ZNF490: variants seen among roughly 807,000 people sequenced by gnomAD.
ZNF490 encodes zinc finger protein 490.
A neutral mutation model predicts 17.7 loss-of-function variants in ZNF490; 11 were observed. The ratio of observed to expected loss-of-function variants is 0.62; its 90% CI spans 0.39 to 1.03. ZNF490 has a LOEUF of 1.03. Ranked by LOEUF, ZNF490 falls within the 50% of genes least tolerant of loss-of-function variation. The probability of loss-of-function intolerance (pLI) is 0.00; values close to 1 mark genes in which losing one functional copy is unlikely to be tolerated. For synonymous variants in ZNF490, 222 were observed against 216.1 expected (o/e 1.03, Z -0.24); for missense variants, 542 against 643.4 (o/e 0.84, Z 1.71).
chr19:12,580,495 T>G lies in ZNF490; in HGVS notation c.1580A>C (p.Gln527Pro). Reference protein sequence around the residue: ...LHVHERTHSRQKP With the variant: ...LHVHERTHSRPKP ...CCACACTTTACTTTCTTAGGGCTTCTGTCTACTATGAGTCCTTTCGTGCAC... is the reference window on the plus strand; with the variant it reads ...CCACACTTTACTTTCTTAGGGCTTCGGTCTACTATGAGTCCTTTCGTGCAC... The change falls in exon 5 of 5, where the codon CAG (glutamine) becomes CCG (proline). Residue 527 changes from glutamine (Q) to proline (P), a missense_variant. Coordinates refer to ENST00000311437, the MANE Select transcript of ZNF490 (RefSeq NM_020714.3). 2 of 1,588,472 alleles carry G rather than the reference T, an allele frequency of 1.3e-6. No homozygotes were observed. The highest frequency in any genetic ancestry group is 8.6e-7 in the Non-Finnish European group (1 of 1,167,694).
At chr19:12,588,226 C>T (rs1427631485) in intron 2 of ZNF490, among the ~76,000 whole-genome samples, 2 of 151,508 alleles carry the variant, frequency 1.3e-5, no homozygotes, top group African/African-American at 4.9e-5. Context: ...GGCAAACTCC[C>T]GACCTCGTGA....
Position 12,581,284 on chromosome 19 carries a change from G to A in ZNF490, c.791C>T (p.Ala264Val), listed in dbSNP as rs763801610. 4 of 1,613,820 alleles carry A rather than the reference G, an allele frequency of 2.5e-6. No individual in the cohort carries two copies. The change falls in exon 5 of 5, where the codon GCT (alanine) becomes GTT (valine). Residue 264 changes from alanine (A) to valine (V), a missense_variant. Physicochemically the swap from Ala to Val is moderately conservative, Grantham distance 64. Transcript: ENST00000311437. Reference sequence around the variant, plus strand: ...GTGATTTTTTTCATGGCGCCGAAGAGCAGTGAGATATCTGAATGCCTTCCC... The same window carrying A: ...GTGATTTTTTTCATGGCGCCGAAGAACAGTGAGATATCTGAATGCCTTCCC... ...ECGKAFRYLT[A>V]LRRHEKNHTG...
In ZNF490 at chr19:12,610,802, C is replaced by G; in HGVS notation, c.-122G>C. ...ACCAGTTCCGTCCCACCGGCGGAAG[C>G]GAGATCTGCCTAGCTACTAGACCTG... On this transcript the variant is annotated 5_prime_UTR_variant, in exon 1 of 5. Transcript: ENST00000311437. The G allele has an allele frequency of 9.8e-7, 1 of 1,016,256 alleles. No individual in the cohort carries two copies. The highest frequency in any genetic ancestry group is 2.4e-5 in the East Asian group (1 of 41,322). 63.0% of individuals were successfully genotyped at this position (1,016,256 alleles called of 1,614,324 possible).
rs1040551232 is a variant in ZNF490, at chr19:12,608,489, G to C, written c.162+669C>G. On this transcript the variant is annotated intron_variant, in intron 2 of 4. Transcript: ENST00000311437. ...TTTATTTATTTATTTATTTATTTTT[G>C]AGACAGAGTTTCACTCTGTTGCCCA... Among the ~76,000 whole-genome samples, 226 of 150,644 alleles carry C rather than the reference G, an allele frequency of 1.5e-3. 2 individuals carry two copies. The highest frequency in any genetic ancestry group is 5.4e-3 in the African/African-American group (223 of 41,050).
At position 12,608,457 on chromosome 19, in the gene ZNF490, G is replaced by GTATT. The variant is rs147000880; in HGVS notation, c.162+697_162+700dup. 5.8e-3 allele frequency among the ~76,000 whole-genome samples: 872 copies of GTATT among 149,662 alleles called. 6 individuals are homozygous for GTATT. Among genetic ancestry groups the GTATT allele is most frequent in the Admixed American group, 8.7e-3 (129 of 14,886 alleles). ...TAATTTTTTATCTTTATTTATTTAT[G>GTATT]TATTTATTTATTTATTTATTTATTT... On this transcript the variant is annotated intron_variant, in intron 2 of 4. Coordinates refer to ENST00000311437, the MANE Select transcript of ZNF490 (RefSeq NM_020714.3).
At chr19:12,606,132 G>A (rs943636818) in intron 2 of ZNF490, among the ~76,000 whole-genome samples, 11 of 151,464 alleles carry the variant, frequency 7.3e-5, no homozygotes, top group Non-Finnish European at 1.2e-4. Context: ...CACCCACCTC[G>A]GCCTCCCAAA....
chr19:12,578,165 C>A lies in ZNF490; in HGVS notation c.*2320G>T, dbSNP rs2022671288. The A allele has an allele frequency of 1.0e-6, 1 of 985,470 alleles. No homozygotes were observed. 61.0% of individuals were successfully genotyped at this position (985,470 alleles called of 1,614,324 possible). On this transcript the variant is annotated 3_prime_UTR_variant, in exon 5 of 5. Transcript: ENST00000311437. Reference sequence around the variant, plus strand: ...CAGTCCTGGAGCAGGATGCATGTGACATGCACTGACGTGAGAAGGCCGGAG... The same window carrying A: ...CAGTCCTGGAGCAGGATGCATGTGAAATGCACTGACGTGAGAAGGCCGGAG...
intron 2 of ZNF490, among the ~76,000 whole-genome samples, chr19:12,602,999 G>A (rs982682863): frequency 1.3e-5 from 2 of 152,052 alleles, no homozygotes; most frequent in African/African-American, 4.8e-5. Context: ...ACACAGACAA[G>A]AACTATGGAT....
rs2022722804 is a variant in ZNF490 at position 12,580,915 on chromosome 19, T to C, written c.1160A>G (p.Glu387Gly). 5 of 1,614,198 alleles carry C rather than the reference T, an allele frequency of 3.1e-6. No individual in the cohort carries two copies. The highest frequency in any genetic ancestry group is 4.2e-6 in the Non-Finnish European group (5 of 1,180,040). The change falls in exon 5 of 5, where the codon GAA (glutamate) becomes GGA (glycine). Residue 387 changes from glutamate to glycine, a missense_variant. By Grantham distance (98) the Glu-to-Gly change is moderately conservative. Coordinates refer to ENST00000311437, the MANE Select transcript of ZNF490 (RefSeq NM_020714.3). ...CEVHERTHFG[E>G]KPYECKQCGK... is the part of the protein sequence containing the mutation. ...ACATTGTTTACATTCATAGGGTTTT[T>C]CTCCAAAATGAGTTCTTTCGTGCAC... is the stretch of plus-strand genomic sequence containing the variant.
chr19:12,582,374 C>T (rs1293020797), intron 4 of ZNF490, among the ~76,000 whole-genome samples: 5 of 151,820 alleles, frequency 3.3e-5, no homozygotes, highest in African/African-American at 4.8e-5. Flanking sequence ...TAGAGGTATT[C>T]GCTACCTTAC....
Position 12,580,609 on chromosome 19 carries a change from A to G in ZNF490, c.1466T>C (p.Leu489Pro). 1 of 1,614,140 alleles carries G rather than the reference A, an allele frequency of 6.2e-7. No homozygotes were observed. Among genetic ancestry groups the G allele is most frequent in the African/African-American group, 1.3e-5 (1 of 75,032 alleles). ...CGKAFTCLNS[L>P]KVHKRIHTGE... ...AGTATGAATTCTTTTGTGTACTTTC[A>G]GGGAATTTAAACAAGTGAAAGCTTT... Residue 489 changes from leucine (L) to proline (P), a missense_variant, in exon 5 of 5, where the codon CTG becomes CCG. Physicochemically the swap from Leu to Pro is moderately conservative, Grantham distance 98. Transcript: ENST00000311437.
At chr19:12,586,683 T>C (rs1344653643) in intron 2 of ZNF490, among the ~76,000 whole-genome samples, 1 of 94,500 alleles carries the variant, frequency 1.1e-5, no homozygotes, top group Non-Finnish European at 2.9e-5. Context: ...AGAAATTTAT[T>C]TCTTTTCTTT....
At chr19:12,602,313 G>A (rs1472922662) in intron 2 of ZNF490, among the ~76,000 whole-genome samples, 5 of 152,108 alleles carry the variant, frequency 3.3e-5, no homozygotes, top group Non-Finnish European at 7.4e-5. Flanking sequence ...GCGGGAGGCC[G>A]AGGCAGGAGG....
chr19:12,590,631 T>G (rs942658799), intron 2 of ZNF490, among the ~76,000 whole-genome samples: 1 of 152,226 alleles, frequency 6.6e-6, no homozygotes, highest in African/African-American at 2.4e-5. Context: ...TATCTGCATA[T>G]GACATGACTG....
chr19:12,595,157 T>C (rs2022916214), intron 2 of ZNF490, among the ~76,000 whole-genome samples: 1 of 152,118 alleles, frequency 6.6e-6, no homozygotes. Flanking sequence ...CTTTTTTTTT[T>C]TGAGACCGAG....
rs775030965 is a variant in ZNF490, at chr19:12,610,695, C to T, written c.-15G>A. On this transcript the variant is annotated 5_prime_UTR_variant, in exon 1 of 5. Coordinates refer to ENST00000311437, the MANE Select transcript of ZNF490 (RefSeq NM_020714.3). ...TTCCTGCGCATCCCTGTCCCCGCAT[C>T]CAGAAACACTGCAGGAAGACTTCCG... 6.8e-6 allele frequency: 11 copies of T among 1,611,064 alleles called. No individual in the cohort carries two copies. In the Admixed American group the frequency reaches 8.3e-5, roughly 12 times the overall value.
chr19:12,601,079 C>A (rs1485311802), intron 2 of ZNF490, among the ~76,000 whole-genome samples: 4 of 148,664 alleles, frequency 2.7e-5, no homozygotes, highest in Non-Finnish European at 5.9e-5. Context: ...GGGTAAGACC[C>A]TGTCTCAAAA....
intron 2 of ZNF490, 103 bp from the exon 3 acceptor site, chr19:12,583,659 G>A (rs904926110): frequency 1.5e-5 from 18 of 1,191,098 alleles, no homozygotes; most frequent in African/African-American, 6.4e-5. Flanking sequence ...CTGTAGTCTC[G>A]GTTTAGTGGT....
intron 2 of ZNF490, among the ~76,000 whole-genome samples, chr19:12,595,961 G>T (rs958536922): frequency 6.7e-5 from 10 of 150,178 alleles, no homozygotes; most frequent in African/African-American, 2.0e-4. Flanking sequence ...AAGAAAAAAA[G>T]AAAAAGAAAA....
Sources: allele counts gnomAD v4.1 joint callset (sites outside exome capture counted in the v4.1 genomes callset), GRCh38; gene constraint gnomAD v4.1.1; transcripts MANE v1.5; gene names NCBI Gene and HGNC (gene_info 2026-07-23, HGNC 2026-07-21).